The following GPC3 variants were observed in gnomAD, a reference collection of about 807,000 sequenced individuals.
The protein encoded by GPC3 is glypican 3, also known as glypican-3.
A neutral mutation model predicts 34.4 loss-of-function variants in GPC3; 3 were observed. That is an observed-to-expected ratio of 0.09 (90% CI 0.04 to 0.23). The LOEUF is 0.23. GPC3 is among the 10% of genes least tolerant of loss of function. The probability of loss-of-function intolerance (pLI) is 1.00; values close to 1 mark genes in which losing one functional copy is unlikely to be tolerated. For synonymous variants in GPC3, 177 were observed against 174.0 expected (o/e 1.02, Z -0.13); for missense variants, 351 against 445.6 (o/e 0.79, Z 1.91).
At chrX:133,891,940 T>C (rs2076089854) in intron 2 of GPC3, among the ~76,000 whole-genome samples, 2 of 111,438 alleles carry the variant, frequency 1.8e-5, no homozygotes, top group African/African-American at 6.5e-5. Flanking sequence ...GTGTGAGAAC[T>C]TTGAAGATTA....
chrX:133,726,841 C>G lies in GPC3; in HGVS notation c.1032+26641G>C, dbSNP rs998409238. On this transcript the variant is annotated intron_variant, in intron 3 of 7. Transcript: ENST00000370818. ...GCTCTTCCTATCAGGAAACTCCCTC[C>G]GCACCTGGATTTCCTACTTTCTGAT... Among the ~76,000 whole-genome samples the G allele has an allele frequency of 2.7e-5, 3 of 112,189 alleles. No homozygotes were observed. The Admixed American group carries it at 2.8e-4, about 11-fold the overall frequency.
intron 2 of GPC3, among the ~76,000 whole-genome samples, chrX:133,776,622 C>T (rs1414735861): frequency 9.0e-6 from 1 of 111,643 alleles, no homozygotes. Flanking sequence ...TCTCAGGCTC[C>T]TTGAGATCCA....
chrX:133,825,128 T>C (rs1339427290), intron 2 of GPC3, among the ~76,000 whole-genome samples: 1 of 112,312 alleles, frequency 8.9e-6, no homozygotes, highest in Non-Finnish European at 1.9e-5. Context: ...GTGTTAGGAT[T>C]ACAGGCATGA....
Position 133,891,224 on chromosome X carries a change from A to G in GPC3, c.337+61826T>C, listed in dbSNP as rs191219514. On this transcript the variant is annotated intron_variant, in intron 2 of 7. Transcript: ENST00000370818. ...ATGATTCCATTTAGATGAGATGTCT[A>G]GAATACAGAAATATATAGAGACCGC... Among the ~76,000 whole-genome samples the G allele has an allele frequency of 4.1e-4, 46 of 111,250 alleles. 1 individual carries two copies. Among genetic ancestry groups the G allele is most frequent in the African/African-American group, 1.4e-3 (43 of 30,639 alleles).
intron 2 of GPC3, among the ~76,000 whole-genome samples, chrX:133,845,511 G>A (rs1003457374): frequency 3.6e-5 from 4 of 111,630 alleles, no homozygotes; most frequent in East Asian, 2.8e-4. Flanking sequence ...GTGAGTCCCA[G>A]TAGCTAAACA....
intron 2 of GPC3, among the ~76,000 whole-genome samples, chrX:133,937,271 C>CA (rs2076327304): frequency 9.0e-6 from 1 of 111,174 alleles, no homozygotes; most frequent in Non-Finnish European, 1.9e-5. Context: ...ACACACGCAG[C>CA]ACATGTGCAC....
intron 5 of GPC3, among the ~76,000 whole-genome samples, chrX:133,669,277 C>T (rs1177725759): frequency 1.1e-4 from 12 of 112,053 alleles, no homozygotes; most frequent in Non-Finnish European, 2.1e-4. Context: ...TGTCTAAGGA[C>T]AATAGGAAAA....
At chrX:133,683,362 TAGA>T (rs932849102) in intron 5 of GPC3, among the ~76,000 whole-genome samples, 1 of 112,128 alleles carries the variant, frequency 8.9e-6, no homozygotes, top group Non-Finnish European at 1.9e-5. Flanking sequence ...CAGGCTAAAA[TAGA>T]AGATTTCTGA....
At chrX:133,979,255 C>T (rs1226137518) in intron 1 of GPC3, among the ~76,000 whole-genome samples, 3 of 111,942 alleles carry the variant, frequency 2.7e-5, no homozygotes, top group Admixed American at 9.5e-5. Flanking sequence ...ATTTCAGCTA[C>T]TAGAAGTAAT....
chrX:133,775,873 T>C (rs998557451), intron 2 of GPC3, among the ~76,000 whole-genome samples: 3 of 111,744 alleles, frequency 2.7e-5, no homozygotes, highest in African/African-American at 9.8e-5. Context: ...AAATAAAAAA[T>C]TAAAAGGGGC....
chrX:133,826,065 T>A (rs1223722651), intron 2 of GPC3, among the ~76,000 whole-genome samples: 1 of 111,566 alleles, frequency 9.0e-6, no homozygotes, highest in Non-Finnish European at 1.9e-5. Flanking sequence ...AGAATCTGAT[T>A]TCCAGAGTTA....
chrX:133,651,885 AAC>A (rs1354657131), intron 6 of GPC3, among the ~76,000 whole-genome samples: 4 of 112,274 alleles, frequency 3.6e-5, no homozygotes, highest in Admixed American at 9.4e-5. Context: ...ATCTCTGTCA[AAC>A]ACCTTGCTGA....
At chrX:133,659,407 C>T (rs894013336) in intron 6 of GPC3, among the ~76,000 whole-genome samples, 4 of 111,668 alleles carry the variant, frequency 3.6e-5, no homozygotes, top group African/African-American at 6.5e-5. Flanking sequence ...GGTCTTCACT[C>T]GATCTTTCTT....
intron 2 of GPC3, among the ~76,000 whole-genome samples, chrX:133,935,847 C>G (rs1344263835): frequency 2.7e-5 from 3 of 110,910 alleles, no homozygotes; most frequent in Non-Finnish European, 5.7e-5. Context: ...GCCTAAATAA[C>G]AGTGCTAATG....
chrX:133,822,949 C>T (rs927501316), intron 2 of GPC3, among the ~76,000 whole-genome samples: 5 of 107,331 alleles, frequency 4.7e-5, no homozygotes, highest in Non-Finnish European at 7.7e-5. Context: ...GCCGATATGG[C>T]GAAACCCGGT....
intron 2 of GPC3, among the ~76,000 whole-genome samples, chrX:133,942,383 C>T (rs755034358): frequency 9.0e-6 from 1 of 111,342 alleles, no homozygotes; most frequent in Admixed American, 9.5e-5. Context: ...CCTTCATTTC[C>T]AACAATAGAG....
chrX:133,915,787 C>T (rs2076221414), intron 2 of GPC3, among the ~76,000 whole-genome samples: 1 of 112,066 alleles, frequency 8.9e-6, no homozygotes, highest in Non-Finnish European at 1.9e-5. Context: ...GAAGCCACTA[C>T]TTTACCAGAC....
chrX:133,724,439 T>TG (rs970497661), intron 3 of GPC3, among the ~76,000 whole-genome samples: 2 of 112,190 alleles, frequency 1.8e-5, no homozygotes, highest in African/African-American at 6.5e-5. Context: ...CAGTTGGACA[T>TG]GGGGGCTAAG....
At chrX:133,551,853 C>T (rs1309766081) in intron 7 of GPC3, among the ~76,000 whole-genome samples, 2 of 111,740 alleles carry the variant, frequency 1.8e-5, no homozygotes, top group Admixed American at 1.9e-4. Flanking sequence ...TTTCCTGACC[C>T]CAGCACCTGC....
Sources: allele counts gnomAD v4.1 joint callset (sites outside exome capture counted in the v4.1 genomes callset), GRCh38; gene constraint gnomAD v4.1.1; transcripts MANE v1.5; gene names NCBI Gene and HGNC (gene_info 2026-07-23, HGNC 2026-07-21).